Variants in EPSTI1 observed in about 807,000 individuals in gnomAD.
The protein encoded by EPSTI1 is epithelial-stromal interaction protein 1.
In EPSTI1, 66 loss-of-function variants were observed where a neutral mutation model predicts 49.9. The observed-to-expected ratio is 1.32, with a 90% CI of 1.08 to 1.62. The LOEUF is 1.62. Among genes scored for constraint, EPSTI1 ranks in the 40% most tolerant of loss-of-function variants. The pLI is 0.00. For synonymous variants in EPSTI1, 137 were observed against 130.7 expected (o/e 1.05, Z -0.33); for missense variants, 394 against 365.5 (o/e 1.08, Z -0.64).
In EPSTI1 at chr13:42,917,523, G is replaced by A. The variant is rs1283986786; in HGVS notation, c.741+18C>T. 4.4e-6 allele frequency: 7 copies of A among 1,596,638 alleles called. No homozygotes were observed. Among genetic ancestry groups the A allele is most frequent in the Non-Finnish European group, 6.0e-6 (7 of 1,167,904 alleles). On this transcript the variant is annotated intron_variant, in intron 8 of 10. Coordinates refer to ENST00000313624, the MANE Select transcript of EPSTI1 (RefSeq NM_033255.5). ...TCAAATAAACAGTTAGCAATAACTA[G>A]TAGGGGCTTGTAAGTACCTTTTGAT... is the stretch of plus-strand genomic sequence containing the variant.
chr13:42,962,567 C>T (rs1021575268), intron 5 of EPSTI1, among the ~76,000 whole-genome samples: 12 of 149,354 alleles, frequency 8.0e-5, no homozygotes, highest in African/African-American at 2.5e-4. Flanking sequence ...CCCAAGAGTT[C>T]GAGACCAGCC....
chr13:42,903,322 C>T (rs2037412708), intron 8 of EPSTI1, among the ~76,000 whole-genome samples: 2 of 151,594 alleles, frequency 1.3e-5, no homozygotes, highest in South Asian at 4.2e-4. Flanking sequence ...GAAAAGAAAA[C>T]AAAAAATGAG....
At chr13:42,976,562 T>C (rs2039886359) in intron 1 of EPSTI1, among the ~76,000 whole-genome samples, 1 of 152,206 alleles carries the variant, frequency 6.6e-6, no homozygotes, top group Admixed American at 6.5e-5. Context: ...ATGTGCTATA[T>C]ATTTTCTCTT....
intron 6 of EPSTI1, among the ~76,000 whole-genome samples, chr13:42,938,152 T>C (rs2038627111): frequency 6.6e-6 from 1 of 152,056 alleles, no homozygotes; most frequent in Non-Finnish European, 1.5e-5. Flanking sequence ...CCAAATATCC[T>C]AATAGGTATT....
At chr13:42,984,016 G>A (rs541475877) in intron 1 of EPSTI1, among the ~76,000 whole-genome samples, 8 of 152,254 alleles carry the variant, frequency 5.3e-5, no homozygotes, top group African/African-American at 1.7e-4. Context: ...AGTAGTATTA[G>A]TATCTGATAA....
At chr13:42,969,033 C>T (rs572213996) in intron 3 of EPSTI1, 61 bp downstream of exon 3, 3 of 1,531,276 alleles carry the variant, frequency 2.0e-6, no homozygotes, top group East Asian at 4.5e-5. Flanking sequence ...ATGCAAGCTG[C>T]TTACAGGATC....
At chr13:42,892,014 T>C (rs2037050024) in intron 10 of EPSTI1, among the ~76,000 whole-genome samples, 1 of 152,150 alleles carries the variant, frequency 6.6e-6, no homozygotes, top group African/African-American at 2.4e-5. Context: ...GTAATCTCAC[T>C]GAGACCGTGG....
intron 5 of EPSTI1, among the ~76,000 whole-genome samples, chr13:42,962,828 C>T (rs1032165098): frequency 3.3e-5 from 5 of 151,980 alleles, no homozygotes; most frequent in Non-Finnish European, 7.4e-5. Context: ...TTATGAATAG[C>T]GTACATTATT....
intron 6 of EPSTI1, among the ~76,000 whole-genome samples, chr13:42,949,989 T>C (rs1194760151): frequency 6.6e-6 from 1 of 152,234 alleles, no homozygotes; most frequent in Non-Finnish European, 1.5e-5. Context: ...ACTTCACGTC[T>C]TCCATCTAAT....
intron 3 of EPSTI1, 141 bp downstream of exon 3, chr13:42,968,953 C>CACACACACACACACACA (rs1555268612): frequency 1.7e-5 from 10 of 605,614 alleles, no homozygotes; most frequent in East Asian, 6.4e-5. Context: ...CACACACACA[C>CACACACACACACACACA]AATTAAATGC....
chr13:42,971,149 C>G (rs1277812403), intron 1 of EPSTI1, among the ~76,000 whole-genome samples: 1 of 152,146 alleles, frequency 6.6e-6, no homozygotes, highest in Non-Finnish European at 1.5e-5. Flanking sequence ...TTTTCTAGGC[C>G]TATGTCCACT....
chr13:42,945,189 G>A (rs192051242), intron 6 of EPSTI1, among the ~76,000 whole-genome samples: 37 of 152,358 alleles, frequency 2.4e-4, no homozygotes, highest in African/African-American at 8.9e-4. Context: ...GGCGAAAAGT[G>A]AAGGAGGAGC....
intron 4 of EPSTI1, 111 bp downstream of exon 4, chr13:42,963,955 G>T: frequency 3.3e-6 from 3 of 915,562 alleles, no homozygotes; most frequent in Non-Finnish European, 4.8e-6. Context: ...TTTGCAACTG[G>T]TTGGAAGGTT....
At chr13:42,981,110 T>C (rs553250731) in intron 1 of EPSTI1, among the ~76,000 whole-genome samples, 3 of 152,210 alleles carry the variant, frequency 2.0e-5, no homozygotes, top group Admixed American at 6.5e-5. Flanking sequence ...TAAGTCTTCA[T>C]ATTTGCAGGG....
intron 6 of EPSTI1, among the ~76,000 whole-genome samples, chr13:42,939,284 T>C (rs1294665552): frequency 1.3e-5 from 2 of 152,184 alleles, no homozygotes; most frequent in East Asian, 3.8e-4. Context: ...TTCACTGGAG[T>C]AGCATTTTTA....
chr13:42,902,860 ATCT>A (rs2037398899), intron 8 of EPSTI1, among the ~76,000 whole-genome samples: 1 of 152,232 alleles, frequency 6.6e-6, no homozygotes, highest in African/African-American at 2.4e-5. Context: ...GTATCTAATA[ATCT>A]TCTGCAGGAT....
intron 9 of EPSTI1, among the ~76,000 whole-genome samples, chr13:42,899,470 GC>G (rs2037293118): frequency 6.6e-6 from 1 of 152,078 alleles, no homozygotes; most frequent in African/African-American, 2.4e-5. Flanking sequence ...ACAGTTAGAG[GC>G]ACCATCAGAA....
chr13:42,909,633 T>C (rs934695990), intron 8 of EPSTI1, among the ~76,000 whole-genome samples: 2 of 152,050 alleles, frequency 1.3e-5, no homozygotes, highest in African/African-American at 4.8e-5. Context: ...TGCAACAACA[T>C]GGATGAACCC....
Position 42,991,964 on chromosome 13 carries a change from G to A in EPSTI1, c.188+14C>T. On this transcript the variant is annotated intron_variant, in intron 1 of 10. Transcript: ENST00000313624. ...CGGGCTCCCGCCCCGAAGCCAGGTT[G>A]TTAAAATACTCACCGCCTCTGGCCC... 3 of 1,613,086 alleles carry A rather than the reference G, an allele frequency of 1.9e-6. No homozygotes were observed. Among genetic ancestry groups the A allele is most frequent in the Non-Finnish European group, 2.5e-6 (3 of 1,179,968 alleles).
Sources: allele counts gnomAD v4.1 joint callset (sites outside exome capture counted in the v4.1 genomes callset), GRCh38; gene constraint gnomAD v4.1.1; transcripts MANE v1.5; gene names NCBI Gene and HGNC (gene_info 2026-07-23, HGNC 2026-07-21).